PKLR: variants seen among roughly 807,000 people sequenced by gnomAD.
PKLR encodes the protein pyruvate kinase PKLR.
Under a neutral mutation model 53.6 loss-of-function variants are expected in PKLR, and 38 were observed. The ratio of observed to expected loss-of-function variants is 0.71; its 90% confidence interval spans 0.55 to 0.93. The LOEUF (loss-of-function observed/expected upper bound fraction) is 0.93, where lower values mean the gene tolerates loss of function less well. PKLR is among the 40% of genes least tolerant of loss of function. PKLR has a pLI of 0.00. For synonymous variants in PKLR, 328 were observed against 316.2 expected, an observed-to-expected ratio of 1.04 and a Z score of -0.39; for missense variants, 702 against 787.3, an observed-to-expected ratio of 0.89 and a Z score of 1.30.
intron 10 of PKLR, among the ~76,000 whole-genome samples, chr1:155,291,110 C>T (rs992687197): frequency 6.6e-6 from 1 of 151,994 alleles, no homozygotes; most frequent in Non-Finnish European, 1.5e-5. Flanking sequence ...CCAGCCACCA[C>T]CTTTCACCAC....
At position 155,295,943 on chromosome 1, in the gene PKLR, T is replaced by C. The variant is rs1461676306; in HGVS notation, c.284-187A>G. Among the ~76,000 whole-genome samples the C allele has an allele frequency of 6.6e-6, 1 of 152,114 alleles. No individual in the cohort carries two copies. Among genetic ancestry groups the C allele is most frequent in the African/African-American group, 2.4e-5 (1 of 41,406 alleles). On this transcript the variant is annotated intron_variant, in intron 2 of 10. Coordinates refer to ENST00000342741, the MANE Select transcript of PKLR (RefSeq NM_000298.6). The surrounding 1 kb of genome is among the most constrained non-coding windows in gnomAD (Gnocchi z 4.3). ...CCCTCTCAAGCCAACATCCATCCCC[T>C]TGGGGAGGCAGCAGTGTGGAAATCG...
chr1:155,296,191 G>A (rs1647588306), intron 2 of PKLR, among the ~76,000 whole-genome samples: 1 of 152,260 alleles, frequency 6.6e-6, no homozygotes, highest in Admixed American at 6.5e-5. Flanking sequence ...CTGCTATGGG[G>A]CAGCTGCTAG....
In PKLR at chr1:155,295,178, A is replaced by G; in HGVS notation, c.632T>C (p.Val211Ala). The G allele has an allele frequency of 5.0e-6, 8 of 1,614,130 alleles. No individual in the cohort carries two copies. In the Admixed American group the frequency reaches 5.0e-5, roughly 10 times the overall value. The change falls in exon 5 of 11, where the codon GTG (valine) becomes GCG (alanine). Residue 211 changes from valine to alanine, a missense_variant. Coordinates refer to ENST00000342741, the MANE Select transcript of PKLR (RefSeq NM_000298.6). This position sits in a 1 kb window ranked among gnomAD's most constrained non-coding sequence, Gnocchi z 4.3. ...AATGTAGATGCGGCCCCCCACCGGC[A>G]CGACCCGGACAATATTGGGGTAGTC... The part of the protein sequence containing the change: ...WVDYPNIVRV[V>A]PVGGRIYIDD...
At chr1:155,292,879 C>T (rs978156775) in intron 9 of PKLR, among the ~76,000 whole-genome samples, 2 of 152,072 alleles carry the variant, frequency 1.3e-5, no homozygotes, top group Admixed American at 1.3e-4. Context: ...CCTACTGGAC[C>T]CTTCTGTAAT....
At chr1:155,291,727 G>T in intron 10 of PKLR, 29 bp downstream of exon 10, 1 of 1,602,248 alleles carries the variant, frequency 6.2e-7, no homozygotes, top group South Asian at 1.1e-5. Flanking sequence ...CAAATGGTAG[G>T]AGTGGCAGGG....
At chr1:155,296,511 T>A (rs1455309321) in intron 2 of PKLR, among the ~76,000 whole-genome samples, 2 of 151,842 alleles carry the variant, frequency 1.3e-5, no homozygotes, top group African/African-American at 2.4e-5. Flanking sequence ...CCTGGCTAAT[T>A]TTTTTGTATT....
At chr1:155,302,360 C>T (rs577309852), upstream of PKLR, among the ~76,000 whole-genome samples, 1 of 151,708 alleles carries the variant, frequency 6.6e-6, no homozygotes, top group East Asian at 1.9e-4. Context: ...TCTCAGCCTC[C>T]TGAGTAGCTG....
the PKLR span, among the ~76,000 whole-genome samples, chr1:155,306,674 A>AATATACGTACTC: frequency 6.6e-6 from 1 of 151,858 alleles, no homozygotes; most frequent in Non-Finnish European, 1.5e-5. The surrounding 1 kb of genome is among the most constrained non-coding windows in gnomAD (Gnocchi z 4.2). Context: ...CTCCACTCTA[A>AATATACGTACTC]CACTCACACA....
At chr1:155,298,958 CTTTCTTTCTTTCTTTCTTT>C in intron 2 of PKLR, among the ~76,000 whole-genome samples, 1 of 20,410 alleles carries the variant, frequency 4.9e-5, no homozygotes, top group South Asian at 1.8e-3. Context: ...TCACTCCTTT[CTTTCTTTCTTTCTTTCTTT>C]CTTTCTTTCT....
upstream of PKLR, among the ~76,000 whole-genome samples, chr1:155,303,831 G>C (rs1352438051): frequency 6.6e-6 from 1 of 152,102 alleles, no homozygotes; most frequent in African/African-American, 2.4e-5. Flanking sequence ...GTTGAGGAAG[G>C]CCTCTTTGAA....
rs1647911646 is a variant in PKLR at position 155,300,225 on chromosome 1, G to T, written c.156C>A (p.Gly52=). 6.2e-7 allele frequency: 1 copy of T among 1,612,792 alleles called. No homozygotes were observed. The highest frequency in any genetic ancestry group is 8.5e-7 in the Non-Finnish European group (1 of 1,179,496). Residue 52 remains glycine, a synonymous_variant, in exon 2 of 11, where the codon GGC becomes GGA. Coordinates refer to ENST00000342741, the MANE Select transcript of PKLR (RefSeq NM_000298.6). ...ASVAQLTQEL[G]TAFFQQQQLP... ...GCTGCTGCTGCTGGAAGAAGGCAGT[G>T]CCCAGCTCCTGGGTCAGTTGGGCCA...
chr1:155,304,819 T>A (rs2148224184), upstream of PKLR, among the ~76,000 whole-genome samples: 1 of 152,376 alleles, frequency 6.6e-6, no homozygotes, highest in East Asian at 1.9e-4. Flanking sequence ...GCACACTTCC[T>A]GTGTGCTGGA....
At chr1:155,298,239 T>G (rs1647706656) in intron 2 of PKLR, among the ~76,000 whole-genome samples, 1 of 152,098 alleles carries the variant, frequency 6.6e-6, no homozygotes, top group Non-Finnish European at 1.5e-5. Flanking sequence ...TTTCACCATG[T>G]TGGCCAGGAT....
chr1:155,295,379 A>G lies in PKLR; in HGVS notation c.507+58T>C, dbSNP rs1033415815. 1 of 1,612,540 alleles carries G rather than the reference A, an allele frequency of 6.2e-7. No individual in the cohort carries two copies. The highest frequency in any genetic ancestry group is 1.3e-5 in the African/African-American group (1 of 74,930). On this transcript the variant is annotated intron_variant, in intron 4 of 10. Coordinates refer to ENST00000342741, the MANE Select transcript of PKLR (RefSeq NM_000298.6). This position sits in a 1 kb window ranked among gnomAD's most constrained non-coding sequence, Gnocchi z 4.3. Reference sequence around the variant, plus strand: ...CCGCCCCTGCCCACGCCTGGGCCCAACCCTACAGGCGCCGCCTTTCCGGCC... The same window carrying G: ...CCGCCCCTGCCCACGCCTGGGCCCAGCCCTACAGGCGCCGCCTTTCCGGCC...
At chr1:155,304,325 T>C (rs189854578), upstream of PKLR, among the ~76,000 whole-genome samples, 2 of 150,782 alleles carry the variant, frequency 1.3e-5, no homozygotes, top group East Asian at 2.0e-4. Flanking sequence ...TCCCAGCTAC[T>C]TGGGAGGCTG....
At chr1:155,298,518 C>G (rs1333429447) in intron 2 of PKLR, among the ~76,000 whole-genome samples, 1 of 150,092 alleles carries the variant, frequency 6.7e-6, no homozygotes, top group South Asian at 2.1e-4. Context: ...TTAGTAGAGA[C>G]GGGGTTTCTC....
chr1:155,302,051 C>CTTTTTTCTT (rs918643192), upstream of PKLR, among the ~76,000 whole-genome samples: 1 of 151,240 alleles, frequency 6.6e-6, no homozygotes, highest in African/African-American at 2.4e-5. Context: ...TTTTCTTTTT[C>CTTTTTTCTT]TTTTTTCTTT....
At chr1:155,307,569 T>C in the PKLR span, among the ~76,000 whole-genome samples, 1 of 152,246 alleles carries the variant, frequency 6.6e-6, no homozygotes, top group Non-Finnish European at 1.5e-5. Flanking sequence ...GAGTGACCTC[T>C]GGTGGTCTTC....
intron 2 of PKLR, among the ~76,000 whole-genome samples, chr1:155,299,018 C>CTTTCTT (rs1647803206): frequency 9.9e-6 from 1 of 101,356 alleles, no homozygotes; most frequent in Non-Finnish European, 1.9e-5. Flanking sequence ...TTCTTTCTTT[C>CTTTCTT]TTTCTTTCTT....
Sources: gnomAD v4.1 joint callset for allele counts (sites outside exome capture counted in the v4.1 genomes callset) on GRCh38, gnomAD v4.1.1 for gene constraint, Gnocchi (gnomAD v3.1) non-coding constraint, MANE v1.5 for transcripts, NCBI Gene and HGNC (gene_info 2026-07-23, HGNC 2026-07-21) for gene names.